The following KCNH1 variants were observed in gnomAD, a reference collection of about 807,000 sequenced individuals.
KCNH1 encodes voltage-gated delayed rectifier potassium channel KCNH1.
KCNH1 carries 27 observed loss-of-function variants against 69.2 expected under a neutral mutation model. The observed-to-expected ratio is 0.39, with a 90% CI of 0.29 to 0.54. The LOEUF (loss-of-function observed/expected upper bound fraction) is 0.54. Among genes scored for constraint, KCNH1 ranks in the 20% least tolerant of loss-of-function variants. KCNH1 has a pLI of 0.68. For missense variants in KCNH1, 798 were observed against 1,261.6 expected (o/e 0.63, Z 5.57); for synonymous variants, 456 against 487.7 (o/e 0.93, Z 0.86).
chr1:211,063,030 C>T (rs571904328), intron 5 of KCNH1, among the ~76,000 whole-genome samples: 4 of 152,284 alleles, frequency 2.6e-5, no homozygotes, highest in East Asian at 1.9e-4. Flanking sequence ...CAGCACTATT[C>T]GCAATAGCCA....
chr1:210,905,033 G>T (rs1687074113), intron 7 of KCNH1, among the ~76,000 whole-genome samples: 1 of 152,174 alleles, frequency 6.6e-6, no homozygotes, highest in South Asian at 2.1e-4. Flanking sequence ...CACACCATCA[G>T]CTCCTTAAGG....
intron 6 of KCNH1, among the ~76,000 whole-genome samples, chr1:211,009,085 A>G (rs748772414): frequency 6.6e-6 from 1 of 152,220 alleles, no homozygotes; most frequent in Non-Finnish European, 1.5e-5. Flanking sequence ...CCTGAAACAG[A>G]ATAAGGCAGC....
chr1:210,864,743 G>A (rs1332636932), intron 7 of KCNH1, among the ~76,000 whole-genome samples: 1 of 152,186 alleles, frequency 6.6e-6, no homozygotes, highest in South Asian at 2.1e-4. Context: ...CTGAGCACGA[G>A]AAATTTAGAA....
intron 10 of KCNH1, among the ~76,000 whole-genome samples, chr1:210,759,338 C>A (rs2102348487): frequency 6.6e-6 from 1 of 152,142 alleles, no homozygotes; most frequent in Non-Finnish European, 1.5e-5. Flanking sequence ...TCTGGAATGA[C>A]AAACATAGAA....
intron 6 of KCNH1, among the ~76,000 whole-genome samples, chr1:210,988,269 T>C (rs1378369611): frequency 1.3e-5 from 2 of 152,050 alleles, no homozygotes; most frequent in Non-Finnish European, 2.9e-5. Flanking sequence ...AGATCACACA[T>C]GGTGTGCTGC....
At chr1:210,802,377 T>C (rs1478363022) in intron 8 of KCNH1, among the ~76,000 whole-genome samples, 1 of 152,214 alleles carries the variant, frequency 6.6e-6, no homozygotes, top group Non-Finnish European at 1.5e-5. Context: ...TCATTATGTA[T>C]TTTTACGATC....
chr1:211,051,404 G>A (rs1690202162), intron 5 of KCNH1, among the ~76,000 whole-genome samples: 1 of 151,940 alleles, frequency 6.6e-6, no homozygotes, highest in South Asian at 2.1e-4. Flanking sequence ...AAGTGCACAT[G>A]GCAAGGACAG....
intron 10 of KCNH1, among the ~76,000 whole-genome samples, chr1:210,765,259 G>A (rs947032992): frequency 5.9e-5 from 9 of 152,106 alleles, no homozygotes; most frequent in Non-Finnish European, 1.0e-4. Flanking sequence ...TAATGGTGGC[G>A]GGTGGAAGGG....
At chr1:210,881,559 T>C (rs1686494606) in intron 7 of KCNH1, among the ~76,000 whole-genome samples, 1 of 152,172 alleles carries the variant, frequency 6.6e-6, no homozygotes. Context: ...ATTGGAAACT[T>C]ATGCCCACAC....
chr1:210,796,348 G>C (rs1417110613), intron 9 of KCNH1, among the ~76,000 whole-genome samples: 2 of 152,092 alleles, frequency 1.3e-5, no homozygotes, highest in Non-Finnish European at 2.9e-5. Context: ...TAGGGTTACT[G>C]TAAGTTTAAA....
chr1:210,697,829 C>T (rs147540128), intron 10 of KCNH1, among the ~76,000 whole-genome samples: 148 of 152,348 alleles, frequency 9.7e-4, no homozygotes, highest in African/African-American at 3.4e-3. Flanking sequence ...CACACATGCC[C>T]GGCAATCCTT....
chr1:210,891,704 C>T (rs964667330), intron 7 of KCNH1, among the ~76,000 whole-genome samples: 3 of 151,990 alleles, frequency 2.0e-5, no homozygotes, highest in African/African-American at 7.3e-5. Flanking sequence ...CCCAGCAATC[C>T]TATTACTGGG....
In KCNH1 at chr1:210,790,542, A is replaced by C. The variant is rs566857284; in HGVS notation, c.1915+6966T>G. On this transcript the variant is annotated intron_variant, in intron 9 of 10. Transcript: ENST00000271751. ...TAGCAAATAAAAATACAAGATACCC[A>C]GTTAAAATAGAATTTCAGATAAATG... 3.3e-4 allele frequency among the ~76,000 whole-genome samples: 50 copies of C among 152,376 alleles called. No individual in the cohort carries two copies. The South Asian group carries it at 5.4e-3, about 16-fold the overall frequency.
intron 7 of KCNH1, among the ~76,000 whole-genome samples, chr1:210,834,307 T>C (rs1685233576): frequency 6.7e-6 from 1 of 148,150 alleles, no homozygotes; most frequent in Non-Finnish European, 1.5e-5. Context: ...AATGATAGAC[T>C]GGATTAAGAA....
At chr1:210,813,744 G>A (rs1347225697) in intron 7 of KCNH1, among the ~76,000 whole-genome samples, 1 of 152,330 alleles carries the variant, frequency 6.6e-6, no homozygotes, top group African/African-American at 2.4e-5. Flanking sequence ...TAGTGATATG[G>A]TTTGGCTGTG....
intron 7 of KCNH1, among the ~76,000 whole-genome samples, chr1:210,818,004 A>G (rs145296327): frequency 2.6e-4 from 39 of 152,238 alleles, no homozygotes; most frequent in African/African-American, 8.4e-4. Context: ...ATTGATGGCC[A>G]TGCATTTCTT....
intron 10 of KCNH1, among the ~76,000 whole-genome samples, chr1:210,709,992 C>A (rs1294179553): frequency 1.3e-5 from 2 of 152,218 alleles, no homozygotes; most frequent in Non-Finnish European, 2.9e-5. Context: ...AACAGGAATA[C>A]ATTCTGATAA....
chr1:210,870,945 GC>G (rs1427158490), intron 7 of KCNH1, among the ~76,000 whole-genome samples: 1 of 152,136 alleles, frequency 6.6e-6, no homozygotes, highest in African/African-American at 2.4e-5. Context: ...TAGCTGGATA[GC>G]CCCAGACAAT....
At chr1:210,872,035 CA>C (rs2102496116) in intron 7 of KCNH1, among the ~76,000 whole-genome samples, 1 of 145,284 alleles carries the variant, frequency 6.9e-6, no homozygotes, top group South Asian at 2.2e-4. Context: ...AGATGTACCC[CA>C]AAACTTAAAG....
Sources: gnomAD v4.1 joint callset for allele counts (sites outside exome capture counted in the v4.1 genomes callset) on GRCh38, gnomAD v4.1.1 for gene constraint, MANE v1.5 for transcripts, NCBI Gene and HGNC (gene_info 2026-07-23, HGNC 2026-07-21) for gene names.